The following CSMD1 variants were observed in gnomAD, a reference collection of about 807,000 sequenced individuals.
The protein encoded by CSMD1 is CUB and Sushi multiple domains 1, also known as CUB and sushi domain-containing protein 1.
In CSMD1, 213 loss-of-function variants were observed where a neutral mutation model predicts 417.5. That is an observed-to-expected ratio of 0.51 (90% CI 0.46 to 0.57). The LOEUF (loss-of-function observed/expected upper bound fraction) is 0.57. CSMD1 is among the 20% of genes least tolerant of loss of function. The pLI is 0.00. For missense variants in CSMD1, 6,923 were observed against 4,529.7 expected (o/e 1.53, Z -15.17); for synonymous variants, 2,862 against 1,736.8 (o/e 1.65, Z -16.11).
intron 5 of CSMD1, among the ~76,000 whole-genome samples, chr8:3,852,156 G>C (rs1288747079): frequency 6.6e-6 from 1 of 152,158 alleles, no homozygotes; most frequent in East Asian, 1.9e-4. Context: ...AAGAATACTT[G>C]ATTCTACAAG....
intron 2 of CSMD1, among the ~76,000 whole-genome samples, chr8:4,474,645 G>C (rs147163576): frequency 6.6e-6 from 1 of 152,208 alleles, no homozygotes; most frequent in African/African-American, 2.4e-5. Flanking sequence ...GAATTACAGA[G>C]TAAACTCTTA....
rs146853548 is a variant in CSMD1 at position 3,559,241 on chromosome 8, C to T, written c.1344+15704G>A. Among the ~76,000 whole-genome samples, 154 of 152,274 alleles carry T rather than the reference C, an allele frequency of 1.0e-3. 1 individual carries two copies. The highest frequency in any genetic ancestry group is 1.9e-3 in the Non-Finnish European group (128 of 68,030). ...AATGTGCAACAACATTACCATAATTCCAATTCAAAGAATTTGTCCTATGGA... is the reference window on the plus strand; with the variant it reads ...AATGTGCAACAACATTACCATAATTTCAATTCAAAGAATTTGTCCTATGGA... On this transcript the variant is annotated intron_variant, in intron 10 of 69. Coordinates refer to ENST00000635120, the MANE Select transcript of CSMD1 (RefSeq NM_033225.6).
chr8:4,130,293 T>A (rs1190904913), intron 3 of CSMD1, among the ~76,000 whole-genome samples: 4 of 152,196 alleles, frequency 2.6e-5, no homozygotes, highest in Admixed American at 6.5e-5. Context: ...TTTAACATCT[T>A]TATTCTGGTA....
intron 1 of CSMD1, among the ~76,000 whole-genome samples, chr8:4,739,646 G>T (rs1036166336): frequency 6.6e-6 from 1 of 152,274 alleles, no homozygotes; most frequent in African/African-American, 2.4e-5. Flanking sequence ...AACACAGGAA[G>T]CCACAGGCGG....
intron 1 of CSMD1, among the ~76,000 whole-genome samples, chr8:4,759,589 C>CATGTGTGTT (rs1811900055): frequency 6.6e-6 from 1 of 152,058 alleles, no homozygotes; most frequent in Admixed American, 6.6e-5. Context: ...GTCAGGTCCC[C>CATGTGTGTT]ATGTGTGTTG....
chr8:3,072,794 G>A (rs777017194), intron 49 of CSMD1, among the ~76,000 whole-genome samples: 30 of 152,148 alleles, frequency 2.0e-4, no homozygotes, highest in Admixed American at 7.9e-4. Flanking sequence ...ACAGCTTGCC[G>A]AATATCTGAA....
intron 2 of CSMD1, among the ~76,000 whole-genome samples, chr8:4,535,736 G>A (rs966025105): frequency 3.3e-5 from 5 of 152,052 alleles, no homozygotes; most frequent in Non-Finnish European, 5.9e-5. Context: ...CTAAATGATC[G>A]CAGTAGTACT....
chr8:3,916,258 A>G (rs749739074), intron 5 of CSMD1, among the ~76,000 whole-genome samples: 1 of 152,176 alleles, frequency 6.6e-6, no homozygotes, highest in Non-Finnish European at 1.5e-5. Flanking sequence ...TATATACAAC[A>G]GGAGCCCAGA....
At chr8:4,930,874 G>T (rs189895324) in intron 1 of CSMD1, among the ~76,000 whole-genome samples, 1 of 152,206 alleles carries the variant, frequency 6.6e-6, no homozygotes, top group Non-Finnish European at 1.5e-5. Context: ...AGGGTTCCCA[G>T]AATTACTGTA....
At chr8:4,925,121 T>G (rs1369097722) in intron 1 of CSMD1, among the ~76,000 whole-genome samples, 1 of 152,082 alleles carries the variant, frequency 6.6e-6, no homozygotes, top group Non-Finnish European at 1.5e-5. Context: ...TTATAAGTCT[T>G]TCTGAATGTT....
At chr8:3,990,469 C>T (rs755198843) in intron 5 of CSMD1, among the ~76,000 whole-genome samples, 1 of 152,084 alleles carries the variant, frequency 6.6e-6, no homozygotes, top group Non-Finnish European at 1.5e-5. Context: ...GGGATGTTTT[C>T]TTCTTCTCTG....
chr8:4,222,303 A>T (rs1410921727), intron 3 of CSMD1, among the ~76,000 whole-genome samples: 2 of 152,050 alleles, frequency 1.3e-5, no homozygotes, highest in Non-Finnish European at 2.9e-5. Context: ...ATTTTTAGGC[A>T]ATTTGGAAAA....
intron 1 of CSMD1, among the ~76,000 whole-genome samples, chr8:4,974,551 A>G (rs991324364): frequency 2.6e-5 from 4 of 152,158 alleles, no homozygotes; most frequent in African/African-American, 4.8e-5. Flanking sequence ...TCAGGCATAC[A>G]ATCTTTGAAA....
intron 5 of CSMD1, among the ~76,000 whole-genome samples, chr8:3,987,481 G>A (rs1238392044): frequency 2.0e-5 from 3 of 152,174 alleles, no homozygotes; most frequent in Admixed American, 6.5e-5. Flanking sequence ...AGCTAGATGA[G>A]TATCTTTAAT....
At chr8:4,443,398 T>C (rs1030797573) in intron 2 of CSMD1, among the ~76,000 whole-genome samples, 5 of 152,144 alleles carry the variant, frequency 3.3e-5, no homozygotes, top group African/African-American at 1.2e-4. Context: ...CAAAACACAG[T>C]TCCAAGAAAA....
chr8:4,948,220 A>G (rs1284358245), intron 1 of CSMD1, among the ~76,000 whole-genome samples: 8 of 152,088 alleles, frequency 5.3e-5, no homozygotes, highest in Non-Finnish European at 1.2e-4. Context: ...CGAGTTTAGT[A>G]GGTATCAAAT....
chr8:4,664,016 C>T (rs1245391202), intron 1 of CSMD1, among the ~76,000 whole-genome samples: 1 of 152,166 alleles, frequency 6.6e-6, no homozygotes, highest in East Asian at 1.9e-4. Flanking sequence ...ATCCACAACA[C>T]AATGCTGTTC....
At chr8:4,387,049 T>C (rs1334181339) in intron 3 of CSMD1, among the ~76,000 whole-genome samples, 1 of 152,168 alleles carries the variant, frequency 6.6e-6, no homozygotes, top group Admixed American at 6.5e-5. Context: ...GATATCCAGA[T>C]TAAAAAACAT....
At chr8:4,439,407 ATTAC>A (rs1563174077) in intron 2 of CSMD1, among the ~76,000 whole-genome samples, 2 of 152,096 alleles carry the variant, frequency 1.3e-5, no homozygotes, top group African/African-American at 2.4e-5. Flanking sequence ...ACGTACGTTT[ATTAC>A]TTAATATTTA....
Sources: allele counts gnomAD v4.1 joint callset (sites outside exome capture counted in the v4.1 genomes callset), GRCh38; gene constraint gnomAD v4.1.1; transcripts MANE v1.5; gene names NCBI Gene and HGNC (gene_info 2026-07-23, HGNC 2026-07-21).